The following KPNA1 variants were observed in gnomAD, a reference collection of about 807,000 sequenced individuals.
KPNA1 encodes the protein importin subunit alpha-5.
In KPNA1, 10 loss-of-function variants were observed where a neutral mutation model predicts 70.5. The observed-to-expected ratio is 0.14, with a 90% CI of 0.09 to 0.24. KPNA1 has a LOEUF of 0.24. KPNA1 is among the 10% of genes least tolerant of loss of function. KPNA1 has a pLI of 1.00. For synonymous variants in KPNA1, 192 were observed against 221.9 expected (o/e 0.87, Z 1.20); for missense variants, 397 against 637.9 (o/e 0.62, Z 4.07).
chr3:122,444,735 C>T (rs568596049), intron 9 of KPNA1, among the ~76,000 whole-genome samples: 25 of 152,200 alleles, frequency 1.6e-4, no homozygotes, highest in Non-Finnish European at 2.1e-4. Flanking sequence ...TGTTCTGTGG[C>T]CTCTGCTGGT....
chr3:122,483,960 C>T (rs929548187), intron 2 of KPNA1, among the ~76,000 whole-genome samples: 1 of 152,166 alleles, frequency 6.6e-6, no homozygotes, highest in African/African-American at 2.4e-5. Flanking sequence ...ACTTCTATTC[C>T]TATGTTATTT....
At chr3:122,468,409 T>C (rs533407589) in intron 2 of KPNA1, among the ~76,000 whole-genome samples, 31 of 152,246 alleles carry the variant, frequency 2.0e-4, no homozygotes, top group Non-Finnish European at 3.5e-4. Flanking sequence ...AATCAGCACA[T>C]AATCATATTC....
chr3:122,484,137 T>G (rs957416739), intron 2 of KPNA1, among the ~76,000 whole-genome samples: 4 of 152,208 alleles, frequency 2.6e-5, no homozygotes, highest in African/African-American at 9.6e-5. Context: ...TATATGCTAT[T>G]AAACTGTGAA....
At chr3:122,481,734 G>A (rs1397197876) in intron 2 of KPNA1, among the ~76,000 whole-genome samples, 1 of 152,198 alleles carries the variant, frequency 6.6e-6, no homozygotes, top group Non-Finnish European at 1.5e-5. Context: ...CAGAAAGCTG[G>A]AGTGACTGTA....
intron 1 of KPNA1, among the ~76,000 whole-genome samples, chr3:122,499,693 A>AGGCTG (rs939982645): frequency 1.1e-4 from 16 of 151,714 alleles, no homozygotes; most frequent in African/African-American, 3.9e-4. Flanking sequence ...CAGCAGTTGC[A>AGGCTG]GGCTGCAGTG....
intron 2 of KPNA1, among the ~76,000 whole-genome samples, chr3:122,479,265 G>A (rs2076542565): frequency 6.6e-6 from 1 of 152,090 alleles, no homozygotes; most frequent in African/African-American, 2.4e-5. Flanking sequence ...CATATGAAGA[G>A]GTAACCCATA....
At chr3:122,431,802 CTTCT>C (rs1291356271) in intron 12 of KPNA1, among the ~76,000 whole-genome samples, 2 of 142,936 alleles carry the variant, frequency 1.4e-5, no homozygotes, top group African/African-American at 5.6e-5. Flanking sequence ...ATTTCTTCTT[CTTCT>C]TTTTTTTTTT....
At chr3:122,470,525 C>T (rs1232026315) in intron 2 of KPNA1, among the ~76,000 whole-genome samples, 3 of 150,042 alleles carry the variant, frequency 2.0e-5, no homozygotes, top group Non-Finnish European at 4.4e-5. Context: ...AATAAATAAA[C>T]AAATAAATAA....
chr3:122,459,344 G>T, intron 5 of KPNA1: 2 of 862,362 alleles, frequency 2.3e-6, no homozygotes, highest in Non-Finnish European at 2.8e-6. Context: ...AAAACCGCCA[G>T]ATCAAGGAGT....
chr3:122,485,165 C>G (rs757715868), intron 2 of KPNA1, among the ~76,000 whole-genome samples: 34 of 152,120 alleles, frequency 2.2e-4, no homozygotes, highest in Non-Finnish European at 1.6e-4. Context: ...CTTCCCGCCT[C>G]GGCCTCCCAA....
At chr3:122,446,130 A>G (rs1000580555) in intron 9 of KPNA1, among the ~76,000 whole-genome samples, 54 of 152,232 alleles carry the variant, frequency 3.5e-4, no homozygotes, top group African/African-American at 1.2e-3. Flanking sequence ...GAAGGTTAAC[A>G]AGGATATCCA....
At chr3:122,455,649 G>A (rs571868294) in intron 5 of KPNA1, among the ~76,000 whole-genome samples, 8 of 151,958 alleles carry the variant, frequency 5.3e-5, no homozygotes, top group Non-Finnish European at 1.2e-4. Context: ...TCCACCTCCC[G>A]GATTCAAGTG....
intron 12 of KPNA1, among the ~76,000 whole-genome samples, chr3:122,427,989 A>ATT (rs1395678443): frequency 6.6e-6 from 1 of 152,190 alleles, no homozygotes; most frequent in East Asian, 1.9e-4. Flanking sequence ...ACTTATTAAT[A>ATT]CCTTGAAATG....
chr3:122,508,304 A>C (rs1233822655), intron 1 of KPNA1, among the ~76,000 whole-genome samples: 1 of 152,158 alleles, frequency 6.6e-6, no homozygotes, highest in African/African-American at 2.4e-5. Flanking sequence ...ATAAGAAACA[A>C]GCTGATTCAC....
chr3:122,490,775 T>C (rs984474695), intron 2 of KPNA1, among the ~76,000 whole-genome samples: 2 of 152,192 alleles, frequency 1.3e-5, no homozygotes, highest in Non-Finnish European at 2.9e-5. Flanking sequence ...TGGTGTTTTG[T>C]TTTATTAAAG....
At chr3:122,450,086 T>C (rs928154578) in intron 8 of KPNA1, among the ~76,000 whole-genome samples, 1 of 152,230 alleles carries the variant, frequency 6.6e-6, no homozygotes, top group Non-Finnish European at 1.5e-5. Context: ...TTAGATACTT[T>C]GTTAAAGACC....
At chr3:122,430,331 T>G (rs888511983) in intron 12 of KPNA1, among the ~76,000 whole-genome samples, 8 of 152,202 alleles carry the variant, frequency 5.3e-5, no homozygotes, top group African/African-American at 1.9e-4. Flanking sequence ...AGAAGGTTTT[T>G]GGGTCTATAT....
At chr3:122,448,335 A>T (rs886651661) in intron 9 of KPNA1, among the ~76,000 whole-genome samples, 3 of 152,238 alleles carry the variant, frequency 2.0e-5, no homozygotes, top group African/African-American at 4.8e-5. Flanking sequence ...AAAGACTTGG[A>T]ACCAACCCAA....
chr3:122,513,549 G>A (rs1478297852), intron 1 of KPNA1, among the ~76,000 whole-genome samples: 2 of 152,108 alleles, frequency 1.3e-5, no homozygotes, highest in Non-Finnish European at 2.9e-5. Flanking sequence ...CTTGCTGGTG[G>A]CATCCGCCTG....
Sources: allele counts gnomAD v4.1 joint callset (sites outside exome capture counted in the v4.1 genomes callset), GRCh38; gene constraint gnomAD v4.1.1; transcripts MANE v1.5; gene names NCBI Gene and HGNC (gene_info 2026-07-23, HGNC 2026-07-21).